The following MED12L variants were observed in gnomAD, a reference collection of about 807,000 sequenced individuals.
The protein encoded by MED12L is mediator complex subunit 12L.
Under a neutral mutation model 281.3 loss-of-function variants are expected in MED12L, and 60 were observed. The observed-to-expected ratio is 0.21, with a 90% CI of 0.17 to 0.26. The LOEUF (loss-of-function observed/expected upper bound fraction) is 0.26, where lower values mean the gene tolerates loss of function less well. Among genes scored for constraint, MED12L ranks in the 10% least tolerant of loss-of-function variants. The pLI is 1.00. For synonymous variants in MED12L, 974 were observed against 987.2 expected (o/e 0.99, Z 0.25); for missense variants, 2,146 against 2,680.9 (o/e 0.80, Z 4.41).
intron 17 of MED12L, among the ~76,000 whole-genome samples, chr3:151,353,671 G>A (rs1300957746): frequency 6.6e-6 from 1 of 152,170 alleles, no homozygotes; most frequent in Non-Finnish European, 1.5e-5. Context: ...TATTGTTTAA[G>A]ACCATTACAT....
At chr3:151,383,395 A>G (rs982699781) in intron 33 of MED12L, among the ~76,000 whole-genome samples, 2 of 152,266 alleles carry the variant, frequency 1.3e-5, no homozygotes, top group Non-Finnish European at 2.9e-5. Flanking sequence ...TAGATTCAAT[A>G]GTAATTGTAC....
At chr3:151,243,371 G>A (rs1577090834) in intron 16 of MED12L, among the ~76,000 whole-genome samples, 1 of 150,858 alleles carries the variant, frequency 6.6e-6, no homozygotes, top group Non-Finnish European at 1.5e-5. Flanking sequence ...AGAGAGAAAG[G>A]TCGGGTTACC....
At chr3:151,128,146 A>G (rs987213745) in intron 5 of MED12L, among the ~76,000 whole-genome samples, 162 bp downstream of exon 5, 32 of 152,302 alleles carry the variant, frequency 2.1e-4, no homozygotes, top group African/African-American at 7.0e-4. Flanking sequence ...TAGTTCACTC[A>G]GTCTCAGAAT....
rs898022312 is a variant in MED12L, at chr3:151,392,353, C to T, written c.5608+2218C>T. On this transcript the variant is annotated intron_variant, in intron 38 of 44. Coordinates refer to ENST00000687756, the MANE Select transcript of MED12L (RefSeq NM_001393769.1). ...GGCATGGTGGTGCCTGAAATCCCAG[C>T]TGCTTGGGAGGCCAAAGCAGGAGAA... is the stretch of plus-strand genomic sequence containing the variant. Among the ~76,000 whole-genome samples the T allele has an allele frequency of 2.0e-5, 3 of 151,070 alleles. No individual in the cohort carries two copies. In the East Asian group the frequency reaches 5.8e-4, roughly 29 times the overall value.
chr3:151,329,635 AT>A, intron 16 of MED12L: 1 of 689,906 alleles, frequency 1.4e-6, no homozygotes, highest in Non-Finnish European at 2.4e-6. Context: ...ACCTCTTCAT[AT>A]TTAGACCTTT....
At chr3:151,152,863 C>T (rs1718739271) in intron 5 of MED12L, among the ~76,000 whole-genome samples, 2 of 152,136 alleles carry the variant, frequency 1.3e-5, no homozygotes, top group South Asian at 2.1e-4. Context: ...GGTGTAACAC[C>T]GCCAGTGACC....
intron 5 of MED12L, among the ~76,000 whole-genome samples, chr3:151,141,437 G>C (rs1717015120): frequency 6.6e-6 from 1 of 152,182 alleles, no homozygotes; most frequent in African/African-American, 2.4e-5. Context: ...GGTAGATGCT[G>C]TGAAGATTTT....
Position 151,404,581 on chromosome 3 carries a change from GT to G in MED12L, c.5821-4660del, listed in dbSNP as rs565047996. On this transcript the variant is annotated intron_variant, in intron 39 of 44. Coordinates refer to ENST00000687756, the MANE Select transcript of MED12L (RefSeq NM_001393769.1). ...GCACTCAGTAACTTCCAAACTAGGA[GT>G]TATAAATAAAACCCTTTCTGCTAGG... Among the ~76,000 whole-genome samples the G allele has an allele frequency of 6.2e-4, 94 of 152,316 alleles. 1 individual carries two copies. Among genetic ancestry groups the G allele is most frequent in the African/African-American group, 2.1e-3 (89 of 41,566 alleles).
intron 43 of MED12L, among the ~76,000 whole-genome samples, chr3:151,423,759 C>T (rs1718542331): frequency 6.6e-6 from 1 of 152,162 alleles, no homozygotes; most frequent in African/African-American, 2.4e-5. Flanking sequence ...AAAACTACTT[C>T]CAGTGTTAAG....
chr3:151,340,733 A>C (rs1257883925), intron 16 of MED12L: 1 of 152,564 alleles, frequency 6.6e-6, no homozygotes, highest in Non-Finnish European at 1.5e-5. Flanking sequence ...GGATTTCCTG[A>C]GTTTTCGTCA....
chr3:151,100,820 T>G (rs1721297461), intron 2 of MED12L, among the ~76,000 whole-genome samples: 1 of 152,210 alleles, frequency 6.6e-6, no homozygotes, highest in East Asian at 1.9e-4. Context: ...AAATTATATT[T>G]TCGTTTACTT....
chr3:151,319,468 C>CGCGTGTGT (rs1553777795), intron 16 of MED12L, among the ~76,000 whole-genome samples: 1 of 145,552 alleles, frequency 6.9e-6, no homozygotes, highest in African/African-American at 2.6e-5. Context: ...TGTGTGTGTG[C>CGCGTGTGT]GTGTGTGTGT....
intron 2 of MED12L, among the ~76,000 whole-genome samples, chr3:151,110,608 C>T (rs781003388): frequency 1.4e-4 from 22 of 152,186 alleles, no homozygotes; most frequent in Non-Finnish European, 2.4e-4. Flanking sequence ...CACTTAGTTT[C>T]TCTAGGTCCC....
rs1238602999 is a variant in MED12L, at chr3:151,411,291, G to A, written c.5924G>A (p.Gly1975Asp). The A allele has an allele frequency of 1.2e-6, 2 of 1,614,064 alleles. No individual in the cohort carries two copies. Among genetic ancestry groups the A allele is most frequent in the African/African-American group, 2.7e-5 (2 of 74,920 alleles). The change falls in exon 41 of 45, where the codon GGC (glycine) becomes GAC (aspartate). Residue 1975 changes from glycine (G) to aspartate (D), a missense_variant. Around this residue, in one of 9 missense-constraint regions of MED12L, gnomAD observed 496 missense variants for 512.0 expected, o/e 0.97. Coordinates refer to ENST00000687756, the MANE Select transcript of MED12L (RefSeq NM_001393769.1). The part of the protein sequence containing the change: ...GLQQAQTMPQ[G>D]YTMYGTQMPL... ...GCCTACCTGCAGACCATGCCACAGGGCTATACAATGTATGGGACACAGATG... is the reference window on the plus strand; with the variant it reads ...GCCTACCTGCAGACCATGCCACAGGACTATACAATGTATGGGACACAGATG...
Position 151,107,967 on chromosome 3 carries a change from CTG to C in MED12L, c.100-8367_100-8366del, listed in dbSNP as rs1415401209. ...GGCTTTGAATGCCAGTCCTGGGCGACTGTGTTTTGATTTGGGGCCAGAGATAA... is the reference window on the plus strand; with the variant it reads ...GGCTTTGAATGCCAGTCCTGGGCGACTGTTTTGATTTGGGGCCAGAGATAA... On this transcript the variant is annotated intron_variant, in intron 2 of 44. Transcript: ENST00000687756. Among the ~76,000 whole-genome samples, 3 of 152,184 alleles carry C rather than the reference CTG, an allele frequency of 2.0e-5. No individual in the cohort carries two copies. The East Asian group carries it at 5.8e-4, about 29-fold the overall frequency.
At chr3:151,214,759 G>A (rs1012038266) in intron 16 of MED12L, among the ~76,000 whole-genome samples, 2 of 152,082 alleles carry the variant, frequency 1.3e-5, no homozygotes, top group Non-Finnish European at 2.9e-5. Context: ...AATAATAATG[G>A]TTCCCTATAA....
At chr3:151,102,105 G>A (rs1721462272) in intron 2 of MED12L, among the ~76,000 whole-genome samples, 1 of 152,146 alleles carries the variant, frequency 6.6e-6, no homozygotes, top group African/African-American at 2.4e-5. Flanking sequence ...CACCCACCCT[G>A]TGACTTCTAA....
intron 2 of MED12L, among the ~76,000 whole-genome samples, chr3:151,097,920 G>A (rs1159752646): frequency 6.6e-6 from 1 of 152,228 alleles, no homozygotes; most frequent in Non-Finnish European, 1.5e-5. Context: ...AAGTGCTGTG[G>A]ATAGAGAAAG....
Position 151,192,579 on chromosome 3 carries a change from T to C in MED12L, c.1998T>C (p.Ile666=), listed in dbSNP as rs375003750. ...EEQSIMAHMG[I]DSGTTNIFDE... is the part of the protein sequence containing the mutation. Reference sequence around the variant, plus strand: ...AGAGTATTATGGCGCATATGGGCATTGACTCAGGAACCACTAACATTTTTG... The same window carrying C: ...AGAGTATTATGGCGCATATGGGCATCGACTCAGGAACCACTAACATTTTTG... The change falls in exon 15 of 45, where the codon ATT becomes ATC. Residue 666 remains isoleucine (I), a synonymous_variant. Transcript: ENST00000687756. 2.0e-6 allele frequency: 3 copies of C among 1,536,136 alleles called. No homozygotes were observed. Among genetic ancestry groups the C allele is most frequent in the Non-Finnish European group, 8.7e-7 (1 of 1,146,748 alleles).
Sources: gnomAD v4.1 joint callset for allele counts (sites outside exome capture counted in the v4.1 genomes callset) on GRCh38, gnomAD v4.1.1 for gene constraint, gnomAD v4.1.1 regional missense constraint, MANE v1.5 for transcripts, NCBI Gene and HGNC (gene_info 2026-07-23, HGNC 2026-07-21) for gene names.